RELN: variants seen among roughly 807,000 people sequenced by gnomAD.
RELN encodes reelin.
Under a neutral mutation model 427.6 loss-of-function variants are expected in RELN, and 108 were observed. The ratio of observed to expected loss-of-function variants is 0.25; its 90% CI spans 0.22 to 0.30. RELN has a LOEUF of 0.30. Among genes scored for constraint, RELN ranks in the 10% least tolerant of loss-of-function variants. The pLI is 1.00. For missense variants in RELN, 3,715 were observed against 4,302.8 expected, an observed-to-expected ratio of 0.86 and a Z score of 3.82; for synonymous variants, 1,524 against 1,513.4, an observed-to-expected ratio of 1.01 and a Z score of -0.16.
chr7:103,882,547 G>A (rs1048844804), intron 2 of RELN, among the ~76,000 whole-genome samples: 7 of 151,748 alleles, frequency 4.6e-5, no homozygotes, highest in South Asian at 2.1e-4. Context: ...TAGGTAAACC[G>A]CTAACCAGAA....
rs779302714 is a variant in RELN at position 103,557,087 on chromosome 7, T to C, written c.5687A>G (p.Asp1896Gly). ...CGTTGTTTGAGGAAAGTAAAATTCA[T>C]CCATCAGGTGCCAAGTGATTCCTCC... is the stretch of plus-strand genomic sequence containing the variant. ...ISGGITWHLMDEFYFPQTTNI... is the reference protein window; with the variant it reads ...ISGGITWHLMGEFYFPQTTNI... The change falls in exon 38 of 65, where the codon GAT becomes GGT. Residue 1896 changes from aspartate to glycine, a missense_variant. Physicochemically the swap from Asp to Gly is moderately conservative, Grantham distance 94. Around this residue, in one of 4 missense-constraint regions of RELN, gnomAD observed 2,208 missense variants for 2,361.7 expected, o/e 0.93. Coordinates refer to ENST00000428762, the MANE Select transcript of RELN (RefSeq NM_005045.4). The C allele has an allele frequency of 1.9e-6, 3 of 1,613,690 alleles. No individual in the cohort carries two copies. The East Asian group carries it at 6.7e-5, about 36-fold the overall frequency.
chr7:103,489,203 G>GTGTGTGTGTGTGTGTGTGTGTGT (rs1828558083), intron 60 of RELN, among the ~76,000 whole-genome samples: 2 of 147,868 alleles, frequency 1.4e-5, no homozygotes, highest in African/African-American at 5.1e-5. Flanking sequence ...GTCATAAAGG[G>GTGTGTGTGTGTGTGTGTGTGTGT]GTGTGTGTGT....
chr7:103,917,649 T>C (rs1292053486), intron 1 of RELN, among the ~76,000 whole-genome samples: 2 of 151,772 alleles, frequency 1.3e-5, no homozygotes, highest in Non-Finnish European at 2.9e-5. Flanking sequence ...TGTGAGTCCA[T>C]ATTTCAAAGA....
chr7:103,983,863 C>CTCTCTGTGTGTG (rs1293300854), intron 1 of RELN, among the ~76,000 whole-genome samples: 1 of 148,430 alleles, frequency 6.7e-6, no homozygotes, highest in African/African-American at 2.5e-5. Context: ...CTTCATATTT[C>CTCTCTGTGTGTG]TGTGTGTGTG....
At chr7:103,595,627 AG>A in intron 25 of RELN, among the ~76,000 whole-genome samples, 1 of 152,162 alleles carries the variant, frequency 6.6e-6, no homozygotes, top group East Asian at 1.9e-4. Context: ...TCAATAAACA[AG>A]TCTCATTTGT....
intron 50 of RELN, among the ~76,000 whole-genome samples, chr7:103,514,526 T>A (rs986128340): frequency 3.9e-5 from 6 of 151,994 alleles, no homozygotes; most frequent in Non-Finnish European, 7.4e-5. Context: ...GGGCATGGTG[T>A]CACATGCTTG....
chr7:103,489,282 TAGG>T (rs1456084363), intron 60 of RELN, among the ~76,000 whole-genome samples: 2 of 151,212 alleles, frequency 1.3e-5, no homozygotes, highest in African/African-American at 2.4e-5. Context: ...AGCTACATCT[TAGG>T]AGAACAGTGG....
At chr7:103,780,840 C>A (rs1197549531) in intron 3 of RELN, among the ~76,000 whole-genome samples, 1 of 152,092 alleles carries the variant, frequency 6.6e-6, no homozygotes, top group Non-Finnish European at 1.5e-5. Context: ...TTACTGTAGT[C>A]CCCTTTCAAC....
intron 1 of RELN, among the ~76,000 whole-genome samples, chr7:103,924,842 T>G (rs1227402121): frequency 6.6e-6 from 1 of 152,140 alleles, no homozygotes; most frequent in Non-Finnish European, 1.5e-5. Context: ...ATTAAGCCCT[T>G]TGGAAGTAAG....
intron 50 of RELN, among the ~76,000 whole-genome samples, chr7:103,512,379 C>T (rs1829447446): frequency 6.6e-6 from 1 of 151,920 alleles, no homozygotes; most frequent in South Asian, 2.1e-4. Context: ...TATAAATTTA[C>T]CTTGGTAATG....
intron 3 of RELN, among the ~76,000 whole-genome samples, chr7:103,800,605 A>T (rs1011145502): frequency 5.3e-5 from 8 of 152,148 alleles, no homozygotes; most frequent in African/African-American, 1.4e-4. Flanking sequence ...ACTTAAATGT[A>T]AGACCTAAAA....
At chr7:103,758,074 G>C (rs1791206653) in intron 4 of RELN, among the ~76,000 whole-genome samples, 1 of 152,160 alleles carries the variant, frequency 6.6e-6, no homozygotes, top group African/African-American at 2.4e-5. Flanking sequence ...TCTGTTAAGA[G>C]TTCCCTGTTA....
At position 103,835,262 on chromosome 7, in the gene RELN, A is replaced by G. The variant is rs555464220; in HGVS notation, c.338-1590T>C. On this transcript the variant is annotated intron_variant, in intron 2 of 64. Coordinates refer to ENST00000428762, the MANE Select transcript of RELN (RefSeq NM_005045.4). Reference sequence around the variant, plus strand: ...GAAAAGGTAAAACTATGGAGACATTAAAAAGATCAGGAGTTGCCAGGAGTT... The same window carrying G: ...GAAAAGGTAAAACTATGGAGACATTGAAAAGATCAGGAGTTGCCAGGAGTT... Among the ~76,000 whole-genome samples, 156 of 152,352 alleles carry G rather than the reference A, an allele frequency of 1.0e-3. 1 individual carries two copies. Among genetic ancestry groups the G allele is most frequent in the African/African-American group, 3.5e-3 (147 of 41,586 alleles).
chr7:103,955,438 T>C (rs1452562045), intron 1 of RELN, among the ~76,000 whole-genome samples: 1 of 152,176 alleles, frequency 6.6e-6, no homozygotes, highest in Non-Finnish European at 1.5e-5. Context: ...AGCACAGAAA[T>C]GGTTATGACT....
intron 8 of RELN, among the ~76,000 whole-genome samples, chr7:103,706,188 G>A (rs1213325416): frequency 6.6e-6 from 1 of 151,622 alleles, no homozygotes; most frequent in Non-Finnish European, 1.5e-5. Context: ...TGGTAAATAT[G>A]CTAGTAGGGA....
At chr7:103,864,122 C>T (rs1014053865) in intron 2 of RELN, among the ~76,000 whole-genome samples, 1 of 152,158 alleles carries the variant, frequency 6.6e-6, no homozygotes, top group Non-Finnish European at 1.5e-5. Context: ...TCACTCACAT[C>T]ATTTACTTTT....
chr7:103,973,282 C>T (rs563979856), intron 1 of RELN, among the ~76,000 whole-genome samples: 4 of 152,180 alleles, frequency 2.6e-5, no homozygotes, highest in African/African-American at 9.6e-5. Flanking sequence ...CTAGGGGAAC[C>T]CTTTGCTCTA....
chr7:103,566,519 T>C (rs1830755459), intron 32 of RELN, 82 bp downstream of exon 32: 1 of 1,596,354 alleles, frequency 6.3e-7, no homozygotes, highest in African/African-American at 1.3e-5. Context: ...TGACAGCAAA[T>C]TAAGAAACAC....
At chr7:103,497,987 T>A (rs1828892466) in intron 54 of RELN, 61 bp from the exon 55 acceptor site, 3 of 1,600,426 alleles carry the variant, frequency 1.9e-6, no homozygotes, top group Middle Eastern at 1.7e-4. Context: ...TCTACTCAAG[T>A]CCTGGATAAT....
Sources: gnomAD v4.1 joint callset for allele counts (sites outside exome capture counted in the v4.1 genomes callset) on GRCh38, gnomAD v4.1.1 for gene constraint, gnomAD v4.1.1 regional missense constraint, MANE v1.5 for transcripts, NCBI Gene and HGNC (gene_info 2026-07-23, HGNC 2026-07-21) for gene names.